TSHR: variants seen among roughly 807,000 people sequenced by gnomAD.
The protein encoded by TSHR is thyrotropin receptor.
Under a neutral mutation model 64.1 loss-of-function variants are expected in TSHR, and 51 were observed. The observed-to-expected ratio is 0.80, with a 90% confidence interval of 0.64 to 1.01. The LOEUF (loss-of-function observed/expected upper bound fraction) is 1.01. Ranked by LOEUF, TSHR falls within the 50% of genes least tolerant of loss-of-function variation. TSHR has a pLI of 0.00. For synonymous variants in TSHR, 361 were observed against 361.9 expected (o/e 1.00, Z 0.03); for missense variants, 877 against 942.8 (o/e 0.93, Z 0.91).
chr14:81,104,021 G>A, intron 7 of TSHR: 1 of 985,404 alleles, frequency 1.0e-6, no homozygotes, highest in Non-Finnish European at 1.2e-6. Flanking sequence ...GGCACACTGG[G>A]AAAAGACAAT....
chr14:81,011,070 A>G (rs1314749759), intron 1 of TSHR, among the ~76,000 whole-genome samples: 3 of 152,206 alleles, frequency 2.0e-5, no homozygotes, highest in Admixed American at 2.0e-4. Flanking sequence ...ACAGCATTCA[A>G]TTAGCTGGAG....
chr14:81,077,444 T>C (rs1033768671), intron 3 of TSHR, among the ~76,000 whole-genome samples: 1 of 152,218 alleles, frequency 6.6e-6, no homozygotes, highest in Non-Finnish European at 1.5e-5. Context: ...CCAACCTTAA[T>C]TGAGCATTTA....
At chr14:81,090,956 TA>T in intron 4 of TSHR, 112 bp from the exon 5 acceptor site, 1 of 874,608 alleles carries the variant, frequency 1.1e-6, no homozygotes. Flanking sequence ...GGAGTTTGAC[TA>T]CAGGTTGTCT....
intron 7 of TSHR, among the ~76,000 whole-genome samples, chr14:81,097,143 A>G (rs1474999119): frequency 1.3e-5 from 2 of 152,170 alleles, no homozygotes; most frequent in Non-Finnish European, 2.9e-5. Context: ...AAAAATAAAT[A>G]GTGCTGGGAA....
At chr14:80,969,056 C>A (rs113224675) in intron 1 of TSHR, among the ~76,000 whole-genome samples, 3 of 152,104 alleles carry the variant, frequency 2.0e-5, no homozygotes, top group South Asian at 4.2e-4. Context: ...TCATTGCCCC[C>A]GGGTTTTCAG....
intron 3 of TSHR, among the ~76,000 whole-genome samples, chr14:81,080,544 C>A (rs1036727026): frequency 2.0e-5 from 3 of 151,988 alleles, no homozygotes; most frequent in Non-Finnish European, 4.4e-5. Flanking sequence ...CTTTAAAAAT[C>A]TGAATACTTA....
In TSHR at chr14:81,020,295, C is replaced by G. The variant is rs544870333; in HGVS notation, c.171-41853C>G. On this transcript the variant is annotated intron_variant, in intron 1 of 9. Coordinates refer to ENST00000298171, the MANE Select transcript of TSHR (RefSeq NM_000369.5). ...AGAACAGGAGTCCCCAACCCTGGGG[C>G]CATGAACCAGTACCTGTCCGTGGTC... Among the ~76,000 whole-genome samples, 268 of 152,288 alleles carry G rather than the reference C, an allele frequency of 1.8e-3. 2 individuals are homozygous for G. The highest frequency in any genetic ancestry group is 5.6e-3 in the African/African-American group (232 of 41,568).
intron 2 of TSHR, among the ~76,000 whole-genome samples, chr14:81,065,426 A>G (rs2139901246): frequency 6.6e-6 from 1 of 152,318 alleles, no homozygotes; most frequent in Non-Finnish European, 1.5e-5. Flanking sequence ...AGAAGATGGA[A>G]GATGGAGGTG....
chr14:81,080,094 A>G (rs1828653696), intron 3 of TSHR, among the ~76,000 whole-genome samples: 1 of 152,092 alleles, frequency 6.6e-6, no homozygotes, highest in Admixed American at 6.6e-5. Context: ...CTAGGACTAC[A>G]GGCGTGTGCC....
At chr14:80,961,160 T>G (rs550660641) in intron 1 of TSHR, among the ~76,000 whole-genome samples, 2 of 152,350 alleles carry the variant, frequency 1.3e-5, no homozygotes, top group East Asian at 3.9e-4. Flanking sequence ...CCATATGCCC[T>G]CTACATTGCT....
chr14:81,056,272 G>T (rs143589523), intron 1 of TSHR, among the ~76,000 whole-genome samples: 2 of 151,872 alleles, frequency 1.3e-5, no homozygotes, highest in Non-Finnish European at 2.9e-5. Flanking sequence ...CTTTTTCTTC[G>T]CAGTCTCGGG....
At chr14:81,018,051 G>A (rs1005488201) in intron 1 of TSHR, among the ~76,000 whole-genome samples, 11 of 151,894 alleles carry the variant, frequency 7.2e-5, no homozygotes, top group African/African-American at 2.2e-4. Context: ...GGCTGGTCTC[G>A]AACTCCTGAC....
At chr14:81,022,841 G>A (rs758941164) in intron 1 of TSHR, among the ~76,000 whole-genome samples, 3 of 151,978 alleles carry the variant, frequency 2.0e-5, no homozygotes, top group Non-Finnish European at 2.9e-5. Flanking sequence ...AAAAAAAGAT[G>A]TGGGGCGTTT....
At chr14:80,959,672 G>A (rs1316216997) in intron 1 of TSHR, among the ~76,000 whole-genome samples, 5 of 152,198 alleles carry the variant, frequency 3.3e-5, no homozygotes, top group African/African-American at 7.2e-5. Context: ...GGGTTTCGAC[G>A]AAGTAAGTGG....
intron 1 of TSHR, among the ~76,000 whole-genome samples, chr14:81,026,040 C>G (rs185774061): frequency 6.6e-6 from 1 of 152,172 alleles, no homozygotes; most frequent in African/African-American, 2.4e-5. Context: ...CAAGAAACCC[C>G]TCCAATGCAG....
At chr14:81,061,703 C>G (rs1312103360) in intron 1 of TSHR, among the ~76,000 whole-genome samples, 20 of 151,834 alleles carry the variant, frequency 1.3e-4, no homozygotes, top group Admixed American at 1.3e-3. Flanking sequence ...GGCTTAGTAC[C>G]TGAGTGATGA....
At chr14:81,096,100 T>A (rs938304798) in intron 6 of TSHR, among the ~76,000 whole-genome samples, 1 of 151,580 alleles carries the variant, frequency 6.6e-6, no homozygotes, top group African/African-American at 2.4e-5. Context: ...CTTAGATTCA[T>A]CTATGAGGTT....
At chr14:81,009,775 T>A (rs1293118977) in intron 1 of TSHR, among the ~76,000 whole-genome samples, 1 of 152,114 alleles carries the variant, frequency 6.6e-6, no homozygotes, top group South Asian at 2.1e-4. Flanking sequence ...TTTATCCATT[T>A]CCCCTATGAT....
At chr14:80,969,561 C>T (rs965362604) in intron 1 of TSHR, among the ~76,000 whole-genome samples, 2 of 152,196 alleles carry the variant, frequency 1.3e-5, no homozygotes, top group African/African-American at 4.8e-5. Flanking sequence ...ATGGGCTATA[C>T]TGCTGAAAGG....
Sources: allele counts gnomAD v4.1 joint callset (sites outside exome capture counted in the v4.1 genomes callset), GRCh38; gene constraint gnomAD v4.1.1; transcripts MANE v1.5; gene names NCBI Gene and HGNC (gene_info 2026-07-23, HGNC 2026-07-21).